MAF: variants seen among roughly 807,000 people sequenced by gnomAD.
MAF encodes the protein transcription factor Maf.
A neutral mutation model predicts 22.0 loss-of-function variants in MAF; 10 were observed. The ratio of observed to expected loss-of-function variants is 0.45; its 90% CI spans 0.28 to 0.77. The LOEUF (loss-of-function observed/expected upper bound fraction) is 0.77, where lower values mean the gene tolerates loss of function less well. Among genes scored for constraint, MAF ranks in the 30% least tolerant of loss-of-function variants. The pLI, the probability that MAF is intolerant of heterozygous loss-of-function variation, is 0.12. For synonymous variants in MAF, 337 were observed against 255.8 expected (o/e 1.32, Z -3.03); for missense variants, 544 against 548.4 (o/e 0.99, Z 0.08).
the MAF span, among the ~76,000 whole-genome samples, chr16:79,379,494 T>A: frequency 8.2e-6 from 1 of 121,908 alleles, no homozygotes; most frequent in Non-Finnish European, 1.7e-5. Flanking sequence ...CTTGATCTGG[T>A]GGAAGTGCAC....
chr16:79,240,487 G>GAAAAAA, the MAF span, among the ~76,000 whole-genome samples: 45 of 60,720 alleles, frequency 7.4e-4, 4 homozygotes, highest in African/African-American at 8.4e-4. Flanking sequence ...AGCATCTCTG[G>GAAAAAA]AAAAAAAAAA....
chr16:79,234,979 G>C, the MAF span, among the ~76,000 whole-genome samples: 2 of 152,114 alleles, frequency 1.3e-5, no homozygotes, highest in African/African-American at 4.8e-5. Flanking sequence ...ACTGGTCCAA[G>C]GAAGACAGAG....
At chr16:79,393,911 G>A in the MAF span, among the ~76,000 whole-genome samples, 1 of 152,206 alleles carries the variant, frequency 6.6e-6, no homozygotes, top group Non-Finnish European at 1.5e-5. Context: ...TAGCAGCCAA[G>A]TTGTATGCTT....
chr16:79,301,285 C>A, the MAF span, among the ~76,000 whole-genome samples: 2 of 152,150 alleles, frequency 1.3e-5, no homozygotes, highest in Admixed American at 6.5e-5. Flanking sequence ...TGCTGACCAG[C>A]GAGACCCTGG....
At chr16:79,420,554 G>A in the MAF span, among the ~76,000 whole-genome samples, 1 of 151,850 alleles carries the variant, frequency 6.6e-6, no homozygotes, top group African/African-American at 2.4e-5. Flanking sequence ...TCCCCCTACG[G>A]CCTCCCCCAC....
chr16:79,337,282 C>T, the MAF span, among the ~76,000 whole-genome samples: 1 of 152,170 alleles, frequency 6.6e-6, no homozygotes, highest in Non-Finnish European at 1.5e-5. Flanking sequence ...CCATAAAACA[C>T]AGACAGCAGT....
At chr16:79,348,940 G>T in the MAF span, among the ~76,000 whole-genome samples, 3 of 152,172 alleles carry the variant, frequency 2.0e-5, no homozygotes, top group African/African-American at 7.2e-5. Flanking sequence ...ATCTGGTGAA[G>T]TTGATTCTAC....
At chr16:79,347,376 G>A in the MAF span, among the ~76,000 whole-genome samples, 2 of 152,192 alleles carry the variant, frequency 1.3e-5, no homozygotes, top group African/African-American at 2.4e-5. Context: ...GAGTAGCAGC[G>A]AGCCAGGAGT....
the MAF span, among the ~76,000 whole-genome samples, chr16:79,281,227 A>AG: frequency 6.6e-6 from 1 of 151,644 alleles, no homozygotes; most frequent in Non-Finnish European, 1.5e-5. Flanking sequence ...TCAATATGAA[A>AG]AAAAAAAAAA....
At chr16:79,543,541 C>T in the MAF span, among the ~76,000 whole-genome samples, 2 of 152,172 alleles carry the variant, frequency 1.3e-5, no homozygotes, top group East Asian at 1.9e-4. Flanking sequence ...AGGACAGACG[C>T]GCTCAGTCAC....
chr16:79,548,546 A>G, the MAF span, among the ~76,000 whole-genome samples: 2 of 152,254 alleles, frequency 1.3e-5, no homozygotes, highest in Admixed American at 6.5e-5. Context: ...TTCTAGCATG[A>G]TACCGTTGAT....
At chr16:79,418,321 G>T in the MAF span, among the ~76,000 whole-genome samples, 2 of 152,142 alleles carry the variant, frequency 1.3e-5, no homozygotes, top group Non-Finnish European at 1.5e-5. Flanking sequence ...CTCACGGTCA[G>T]CTGGGAGCAG....
At chr16:79,551,048 C>T in the MAF span, among the ~76,000 whole-genome samples, 1 of 152,154 alleles carries the variant, frequency 6.6e-6, no homozygotes, top group Non-Finnish European at 1.5e-5. Context: ...TGCACAGGTT[C>T]TTTCTGGAAG....
chr16:79,307,687 C>T, the MAF span, among the ~76,000 whole-genome samples: 1 of 152,168 alleles, frequency 6.6e-6, no homozygotes, highest in South Asian at 2.1e-4. Context: ...TGCAAGATAA[C>T]TAGTTAGACT....
At chr16:79,205,025 C>G in the MAF span, 1 of 152,156 alleles carries the variant, frequency 6.6e-6, no homozygotes, top group Non-Finnish European at 1.5e-5. Context: ...TTCCTTCTAG[C>G]CAGACTCGGA....
In MAF at chr16:79,599,336, G is replaced by C. The variant is rs1288130383; in HGVS notation, c.567C>G (p.Ala189=). The part of the protein sequence containing the change: ...PHYHHHHHHA[A]GHHHHPTAGA... ...CGGCCGTCGGGTGGTGGTGGTGGCC[G>C]GCGGCGTGGTGGTGGTGGTGGTGGT... is the stretch of plus-strand genomic sequence containing the variant. Residue 189 remains alanine, a synonymous_variant, in exon 1 of 2, where the codon GCC becomes GCG. Coordinates refer to ENST00000326043, the MANE Select transcript of MAF (RefSeq NM_005360.5). 6 of 989,118 alleles carry C rather than the reference G, an allele frequency of 6.1e-6. No individual in the cohort carries two copies. The highest frequency in any genetic ancestry group is 7.2e-6 in the Non-Finnish European group (6 of 834,160). 61.3% of individuals were successfully genotyped at this position (989,118 alleles called of 1,614,324 possible).
the MAF span, among the ~76,000 whole-genome samples, chr16:79,476,838 G>A: frequency 1.4e-4 from 22 of 152,128 alleles, no homozygotes; most frequent in Non-Finnish European, 3.1e-4. Context: ...CTGTGCCTTG[G>A]TGTCTCCATC....
chr16:79,436,136 G>A, the MAF span, among the ~76,000 whole-genome samples: 1 of 152,184 alleles, frequency 6.6e-6, no homozygotes, highest in East Asian at 1.9e-4. Flanking sequence ...AGGCTGGAGT[G>A]CAGTGGCATG....
At chr16:79,491,709 T>G in the MAF span, among the ~76,000 whole-genome samples, 7 of 152,226 alleles carry the variant, frequency 4.6e-5, no homozygotes, top group South Asian at 1.5e-3. Context: ...GATGAACAAT[T>G]TTTCTTGAGA....
Sources: gnomAD v4.1 joint callset for allele counts (sites outside exome capture counted in the v4.1 genomes callset) on GRCh38, gnomAD v4.1.1 for gene constraint, MANE v1.5 for transcripts, NCBI Gene and HGNC (gene_info 2026-07-23, HGNC 2026-07-21) for gene names.